SSPN: variants seen among roughly 807,000 people sequenced by gnomAD.
SSPN encodes sarcospan.
In SSPN, 15 loss-of-function variants were observed where a neutral mutation model predicts 19.1. That is an observed-to-expected ratio of 0.78 (90% CI 0.52 to 1.21). The LOEUF is 1.21. Among genes scored for constraint, SSPN ranks in the 50% most tolerant of loss-of-function variants. The pLI, the probability that SSPN is intolerant of heterozygous loss-of-function variation, is 0.00. For missense variants in SSPN, 291 were observed against 314.0 expected (o/e 0.93, Z 0.55); for synonymous variants, 147 against 140.3 (o/e 1.05, Z -0.34).
chr12:26,230,666 C>T (rs775156345), intron 2 of SSPN, 45 bp from the exon 3 acceptor site: 1 of 1,548,934 alleles, frequency 6.5e-7, no homozygotes, highest in Non-Finnish European at 8.7e-7. Context: ...AATCATCATC[C>T]AATGTTCTTT....
chr12:26,176,374 G>A (rs1303813750), intron 1 of SSPN, among the ~76,000 whole-genome samples: 2 of 152,198 alleles, frequency 1.3e-5, no homozygotes, highest in Non-Finnish European at 2.9e-5. Flanking sequence ...GGGAGACTAT[G>A]AGAGATGGCC....
At chr12:26,228,006 TA>T (rs1565695324) in intron 2 of SSPN, among the ~76,000 whole-genome samples, 2 of 152,162 alleles carry the variant, frequency 1.3e-5, no homozygotes, top group African/African-American at 4.8e-5. Flanking sequence ...CATGAATGAG[TA>T]AAATCTTTTT....
At chr12:26,228,721 G>C (rs1945202137) in intron 2 of SSPN, among the ~76,000 whole-genome samples, 1 of 152,096 alleles carries the variant, frequency 6.6e-6, no homozygotes, top group Admixed American at 6.5e-5. Flanking sequence ...CCAAGAGTTT[G>C]AAGTCAGTAA....
chr12:26,182,599 CTT>C (rs1944726166), intron 1 of SSPN, among the ~76,000 whole-genome samples: 1 of 45,776 alleles, frequency 2.2e-5, no homozygotes, highest in Non-Finnish European at 7.2e-5. Context: ...CTTCCCTTCC[CTT>C]CCCTTCCCTT....
intron 1 of SSPN, among the ~76,000 whole-genome samples, chr12:26,223,767 T>C (rs756238471): frequency 6.6e-6 from 1 of 152,210 alleles, no homozygotes; most frequent in African/African-American, 2.4e-5. Context: ...AGGAATACAA[T>C]ATAAAGCCCT....
Position 26,228,221 on chromosome 12 carries a change from C to A in SSPN, c.367-2490C>A, listed in dbSNP as rs373916699. On this transcript the variant is annotated intron_variant, in intron 2 of 2. Transcript: ENST00000242729. ...GACCAGCCTGGGCAAAATGGTGAAA[C>A]CCTGTCTCTATCAAAAAAAATACAA... Among the ~76,000 whole-genome samples the A allele has an allele frequency of 3.4e-3, 516 of 151,948 alleles. 3 individuals carry two copies. The highest frequency in any genetic ancestry group is 0.012 in the African/African-American group (499 of 41,412).
At chr12:26,146,499 G>A (rs1944491524) in intron 1 of SSPN, among the ~76,000 whole-genome samples, 1 of 152,072 alleles carries the variant, frequency 6.6e-6, no homozygotes, top group Admixed American at 6.6e-5. Flanking sequence ...CTAAACTTTA[G>A]CATTAGTAGG....
intron 1 of SSPN, among the ~76,000 whole-genome samples, chr12:26,148,373 T>C (rs1944505483): frequency 6.6e-6 from 1 of 152,190 alleles, no homozygotes; most frequent in Non-Finnish European, 1.5e-5. Context: ...GGGGAGGAGA[T>C]CTTAAATCGA....
rs544894841 is a variant in SSPN at position 26,198,174 on chromosome 12, G to C, written c.279+2223G>C. 3.3e-4 allele frequency among the ~76,000 whole-genome samples: 49 copies of C among 148,976 alleles called. No individual in the cohort carries two copies. The East Asian group carries it at 6.0e-3, about 18-fold the overall frequency. The stretch of plus-strand genomic sequence containing the variant: ...TGAATAACTTTGAGTTTTGGGGGGG[G>C]GTTTTTGGAGACAGAGACTTGCTCT... On this transcript the variant is annotated intron_variant, in intron 1 of 2. Transcript: ENST00000242729.
intron 1 of SSPN, among the ~76,000 whole-genome samples, chr12:26,189,310 G>A (rs17380788): frequency 0.052 from 7,953 of 152,220 alleles, 267 homozygotes; most frequent in South Asian, 0.089. Flanking sequence ...GGATATGGAA[G>A]TAGAATGTCT....
chr12:26,124,178 T>A, intron 1 of SSPN: 1 of 1,577,500 alleles, frequency 6.3e-7, no homozygotes, highest in Non-Finnish European at 8.7e-7. Flanking sequence ...TTTGTAGGTA[T>A]CCTTAATATA....
At chr12:26,144,584 T>C (rs929030770) in intron 1 of SSPN, among the ~76,000 whole-genome samples, 1 of 152,208 alleles carries the variant, frequency 6.6e-6, no homozygotes, top group African/African-American at 2.4e-5. Flanking sequence ...GCTCAGTTTT[T>C]CCATTTTTCT....
upstream of SSPN, among the ~76,000 whole-genome samples, chr12:26,193,962 G>T (rs997507605): frequency 1.3e-5 from 2 of 152,194 alleles, no homozygotes; most frequent in Admixed American, 1.3e-4. Flanking sequence ...AAGAGCTGAT[G>T]ATGATTAGTT....
upstream of SSPN, chr12:26,195,545 A>G: frequency 3.1e-6 from 4 of 1,280,324 alleles, 1 homozygote. Flanking sequence ...AGTCGGCTCC[A>G]AATGTTTTCC....
intron 1 of SSPN, among the ~76,000 whole-genome samples, chr12:26,222,138 CCA>C (rs1945128168): frequency 6.6e-6 from 1 of 152,212 alleles, no homozygotes; most frequent in African/African-American, 2.4e-5. Flanking sequence ...CCAGATCTCT[CCA>C]GTCCATGCCA....
intron 1 of SSPN, among the ~76,000 whole-genome samples, chr12:26,187,370 T>A (rs530877341): frequency 6.6e-6 from 1 of 152,328 alleles, no homozygotes; most frequent in Admixed American, 6.5e-5. Flanking sequence ...GAGGAAAACG[T>A]TAGGGAAATG....
At position 26,195,641 on chromosome 12, in the gene SSPN, G is replaced by GCTGGGGGCC; in HGVS notation, c.-31_-30insTGGGGGCCC. On this transcript the variant is annotated 5_prime_UTR_variant, in exon 1 of 3. Transcript: ENST00000242729. ...CTCCAGGGCCCAGGGCGCCGCACAC[G>GCTGGGGGCC]CACCCACCCACCCACCCAGCCTCGC... The GCTGGGGGCC allele has an allele frequency of 9.0e-7, 1 of 1,105,402 alleles. No homozygotes were observed. Among genetic ancestry groups the GCTGGGGGCC allele is most frequent in the Non-Finnish European group, 1.1e-6 (1 of 878,120 alleles). 68.5% of individuals were successfully genotyped at this position (1,105,402 alleles called of 1,614,324 possible).
intron 1 of SSPN, among the ~76,000 whole-genome samples, chr12:26,129,507 T>C (rs962566183): frequency 2.6e-5 from 4 of 152,204 alleles, no homozygotes; most frequent in African/African-American, 9.7e-5. Flanking sequence ...GCAATTCCAC[T>C]GCTACTCACC....
chr12:26,211,753 A>C (rs1163413016), intron 1 of SSPN: 1 of 152,240 alleles, frequency 6.6e-6, no homozygotes, highest in Admixed American at 6.5e-5. Context: ...CTTAACAAGC[A>C]CATTTTTCTT....
Sources: allele counts gnomAD v4.1 joint callset (sites outside exome capture counted in the v4.1 genomes callset), GRCh38; gene constraint gnomAD v4.1.1; transcripts MANE v1.5; gene names NCBI Gene and HGNC (gene_info 2026-07-23, HGNC 2026-07-21).